CLMN: variants seen among roughly 807,000 people sequenced by gnomAD.
CLMN encodes calmin (calponin-like, transmembrane).
Under a neutral mutation model 92.7 loss-of-function variants are expected in CLMN, and 57 were observed. The observed-to-expected ratio is 0.61, with a 90% confidence interval of 0.50 to 0.77. The LOEUF (loss-of-function observed/expected upper bound fraction) is 0.77, where lower values mean the gene tolerates loss of function less well. Ranked by LOEUF, CLMN falls within the 30% of genes least tolerant of loss-of-function variation. The probability of loss-of-function intolerance (pLI) is 0.00; values close to 1 mark genes in which losing one functional copy is unlikely to be tolerated. For synonymous variants in CLMN, 466 were observed against 470.6 expected (o/e 0.99, Z 0.13); for missense variants, 1,158 against 1,237.5 (o/e 0.94, Z 0.96).
Position 95,230,014 on chromosome 14 carries a change from C to T in CLMN, c.144+58G>A. 3.3e-6 allele frequency: 5 copies of T among 1,523,592 alleles called. No individual in the cohort carries two copies. In the South Asian group the frequency reaches 4.5e-5, roughly 14 times the overall value. 94.4% of individuals were successfully genotyped at this position (1,523,592 alleles called of 1,614,324 possible). A position where few individuals can be genotyped will look rare whatever the true frequency, so the allele number is the denominator to read the frequency against. Reference sequence around the variant, plus strand: ...CCAGCTCCCCCTCCACTCTCTGGAACTGTAAATTCAGTTACAGATGAATCT... The same window carrying T: ...CCAGCTCCCCCTCCACTCTCTGGAATTGTAAATTCAGTTACAGATGAATCT... On this transcript the variant is annotated intron_variant, in intron 2 of 12. Transcript: ENST00000298912.
Position 95,191,459 on chromosome 14 carries a change from G to A in CLMN, c.*105C>T. ...GAAAGGGGGTCTAAGTTTCCTCGGA[G>A]GTCCTCAACTGTCTGTAGAAGTGCC... is the stretch of plus-strand genomic sequence containing the variant. On this transcript the variant is annotated 3_prime_UTR_variant, in exon 13 of 13. Coordinates refer to ENST00000298912, the MANE Select transcript of CLMN (RefSeq NM_024734.4). The surrounding 1 kb of genome is among the most constrained non-coding windows in gnomAD (Gnocchi z 5.3). The A allele has an allele frequency of 2.6e-6, 2 of 782,762 alleles. No individual in the cohort carries two copies. Among genetic ancestry groups the A allele is most frequent in the Non-Finnish European group, 3.7e-6 (2 of 545,010 alleles). 48.5% of individuals were successfully genotyped at this position (782,762 alleles called of 1,614,324 possible).
chr14:95,309,063 G>C (rs1459610288), intron 1 of CLMN, among the ~76,000 whole-genome samples: 1 of 152,194 alleles, frequency 6.6e-6, no homozygotes, highest in Non-Finnish European at 1.5e-5. Context: ...GTCAAGGAGG[G>C]AGAGGGAGGC....
intron 1 of CLMN, among the ~76,000 whole-genome samples, chr14:95,241,073 T>C (rs7158226): frequency 0.92 from 139,994 of 152,010 alleles, 64,617 homozygotes; most frequent in African/African-American, 0.98. Flanking sequence ...TTGTGTTCAG[T>C]TATTTAAAAA....
intron 1 of CLMN, among the ~76,000 whole-genome samples, chr14:95,283,964 C>A (rs544625454): frequency 6.6e-6 from 1 of 152,320 alleles, no homozygotes; most frequent in South Asian, 2.1e-4. Flanking sequence ...TGTCTCCAGG[C>A]CACGTCAGAG....
chr14:95,291,125 G>C (rs754442849), intron 1 of CLMN, among the ~76,000 whole-genome samples: 2 of 152,174 alleles, frequency 1.3e-5, no homozygotes, highest in Non-Finnish European at 2.9e-5. Context: ...AAACCACCTT[G>C]GAAAAAGCTT....
chr14:95,317,040 C>A (rs1201918708), intron 1 of CLMN, among the ~76,000 whole-genome samples: 1 of 152,248 alleles, frequency 6.6e-6, no homozygotes, highest in African/African-American at 2.4e-5. Context: ...CTCCTCCTGC[C>A]TCCCATAACT....
At chr14:95,301,691 T>A (rs1901063814) in intron 1 of CLMN, among the ~76,000 whole-genome samples, 1 of 152,204 alleles carries the variant, frequency 6.6e-6, no homozygotes, top group South Asian at 2.1e-4. Flanking sequence ...TGCTGGCTCA[T>A]ACCAACCTAC....
At chr14:95,258,207 T>C (rs1337890383) in intron 1 of CLMN, among the ~76,000 whole-genome samples, 2 of 151,800 alleles carry the variant, frequency 1.3e-5, no homozygotes, top group Non-Finnish European at 2.9e-5. Flanking sequence ...GTGCATATGA[T>C]GTGGTGTGTG....
intron 6 of CLMN, 58 bp downstream of exon 6, chr14:95,213,161 C>A: frequency 6.4e-7 from 1 of 1,551,680 alleles, no homozygotes; most frequent in Non-Finnish European, 8.8e-7. Context: ...TTCTCCTTTC[C>A]TCTGCCTGAA....
chr14:95,236,980 C>T (rs923278835), intron 1 of CLMN, among the ~76,000 whole-genome samples: 16 of 152,264 alleles, frequency 1.1e-4, no homozygotes, highest in East Asian at 3.9e-4. Flanking sequence ...ACAGCTATGA[C>T]GAGGCCTCTA....
At chr14:95,241,857 C>T (rs896032400) in intron 1 of CLMN, among the ~76,000 whole-genome samples, 1 of 152,078 alleles carries the variant, frequency 6.6e-6, no homozygotes, top group Non-Finnish European at 1.5e-5. Context: ...GTATATGGAA[C>T]ACACACGCAC....
intron 1 of CLMN, among the ~76,000 whole-genome samples, chr14:95,311,118 G>A (rs572131640): frequency 4.6e-5 from 7 of 152,182 alleles, no homozygotes; most frequent in African/African-American, 1.2e-4. Context: ...CAGGACTGAC[G>A]GGACACGGGA....
intron 11 of CLMN, 24 bp from the exon 12 acceptor site, chr14:95,193,943 A>G: frequency 1.9e-6 from 3 of 1,610,748 alleles, no homozygotes; most frequent in Non-Finnish European, 2.5e-6. Context: ...TATAAACAAA[A>G]GCCCCCGCAA....
intron 1 of CLMN, 35 bp downstream of exon 1, chr14:95,319,676 C>T: frequency 6.4e-7 from 1 of 1,567,804 alleles, no homozygotes; most frequent in Non-Finnish European, 8.6e-7. Flanking sequence ...CCCCCGAGCG[C>T]CCAGCCATCC....
intron 1 of CLMN, among the ~76,000 whole-genome samples, chr14:95,263,555 G>A (rs114166696): frequency 3.7e-4 from 56 of 152,268 alleles, no homozygotes; most frequent in African/African-American, 1.3e-3. Context: ...GAAAAGGAGC[G>A]GGAGGCATCT....
chr14:95,261,823 C>G (rs1257937686), intron 1 of CLMN, among the ~76,000 whole-genome samples: 2 of 152,364 alleles, frequency 1.3e-5, no homozygotes, highest in East Asian at 3.9e-4. Flanking sequence ...CCCATGCCCC[C>G]CTGCAGCAAG....
intron 1 of CLMN, among the ~76,000 whole-genome samples, chr14:95,301,626 C>T (rs976199025): frequency 6.6e-6 from 1 of 152,218 alleles, no homozygotes; most frequent in African/African-American, 2.4e-5. Context: ...GTCTGCTGCC[C>T]ACCCAGGATG....
intron 1 of CLMN, among the ~76,000 whole-genome samples, chr14:95,249,686 G>A (rs1898708437): frequency 6.6e-6 from 1 of 152,034 alleles, no homozygotes; most frequent in African/African-American, 2.4e-5. Context: ...CCGCCTTCCG[G>A]ATTCAAGCAA....
intron 1 of CLMN, among the ~76,000 whole-genome samples, chr14:95,241,744 T>C (rs1278364475): frequency 2.0e-5 from 3 of 152,218 alleles, no homozygotes; most frequent in South Asian, 2.1e-4. Flanking sequence ...AGACACCAAC[T>C]GATCCTTCTG....
Sources: allele counts gnomAD v4.1 joint callset (sites outside exome capture counted in the v4.1 genomes callset), GRCh38; gene constraint gnomAD v4.1.1; non-coding constraint Gnocchi (gnomAD v3.1); transcripts MANE v1.5; gene names NCBI Gene and HGNC (gene_info 2026-07-23, HGNC 2026-07-21).